The following MYO3A variants were observed in gnomAD, a reference collection of about 807,000 sequenced individuals.
The protein encoded by MYO3A is myosin-IIIa.
MYO3A carries 180 observed loss-of-function variants against 192.7 expected under a neutral mutation model. That is an observed-to-expected ratio of 0.93 (90% CI 0.83 to 1.06). MYO3A has a LOEUF of 1.06. Among genes scored for constraint, MYO3A ranks in the 50% least tolerant of loss-of-function variants. MYO3A has a pLI of 0.00. For synonymous variants in MYO3A, 628 were observed against 645.3 expected, an observed-to-expected ratio of 0.97 and a Z score of 0.41; for missense variants, 1,896 against 1,905.0, an observed-to-expected ratio of 1.00 and a Z score of 0.09.
chr10:26,019,243 A>T (rs1219280433), intron 7 of MYO3A, among the ~76,000 whole-genome samples: 2 of 141,674 alleles, frequency 1.4e-5, no homozygotes, highest in African/African-American at 2.5e-5. Flanking sequence ...TTATTTATTT[A>T]TTTATTTATT....
chr10:26,019,155 T>A (rs1934449), intron 7 of MYO3A, among the ~76,000 whole-genome samples: 5 of 151,706 alleles, frequency 3.3e-5, no homozygotes, highest in African/African-American at 1.2e-4. Flanking sequence ...GCCTAAACTC[T>A]CCTACTCTAA....
intron 27 of MYO3A, among the ~76,000 whole-genome samples, chr10:26,168,407 A>T (rs1212535573): frequency 6.6e-6 from 1 of 152,212 alleles, no homozygotes; most frequent in Admixed American, 6.5e-5. Flanking sequence ...CCCAGAATAT[A>T]CGATGCTAGA....
At chr10:26,129,190 C>T (rs558317247) in intron 20 of MYO3A, among the ~76,000 whole-genome samples, 13 of 152,184 alleles carry the variant, frequency 8.5e-5, no homozygotes, top group Admixed American at 7.9e-4. Flanking sequence ...TATTGTTTTG[C>T]ATTTAAATTA....
intron 19 of MYO3A, among the ~76,000 whole-genome samples, chr10:26,127,912 C>T (rs1445120883): frequency 6.6e-6 from 1 of 151,898 alleles, no homozygotes; most frequent in Non-Finnish European, 1.5e-5. Flanking sequence ...GATCCAAAAA[C>T]AAATAACAAT....
intron 10 of MYO3A, among the ~76,000 whole-genome samples, chr10:26,065,934 G>A (rs570344922): frequency 1.8e-5 from 1 of 56,138 alleles, no homozygotes; most frequent in East Asian, 3.2e-4. Flanking sequence ...TGGCTAACAC[G>A]GTGAAACCCC....
chr10:26,128,260 A>G (rs1038192297), intron 19 of MYO3A, 131 bp from the exon 20 acceptor site: 45 of 891,976 alleles, frequency 5.0e-5, no homozygotes, highest in Non-Finnish European at 7.3e-5. Flanking sequence ...TTCAGTTAAG[A>G]AAGTTTCACT....
In MYO3A at chr10:26,128,547, A is replaced by G; in HGVS notation, c.2262+9A>G. 1.2e-6 allele frequency: 2 copies of G among 1,602,472 alleles called. No homozygotes were observed. The highest frequency in any genetic ancestry group is 1.7e-6 in the Non-Finnish European group (2 of 1,171,308). ...TGTTTGCATGGGAACAGGTAAGTCTAAGTACTTACTATAAATATGCATGCA... is the reference window on the plus strand; with the variant it reads ...TGTTTGCATGGGAACAGGTAAGTCTGAGTACTTACTATAAATATGCATGCA... On this transcript the variant is annotated intron_variant, in intron 20 of 34. Coordinates refer to ENST00000642920, the MANE Select transcript of MYO3A (RefSeq NM_017433.5).
chr10:26,020,054 A>G (rs1385166055), intron 7 of MYO3A, among the ~76,000 whole-genome samples: 1 of 152,232 alleles, frequency 6.6e-6, no homozygotes, highest in Non-Finnish European at 1.5e-5. Context: ...TTATATATAG[A>G]CATATATATA....
intron 10 of MYO3A, among the ~76,000 whole-genome samples, chr10:26,056,652 T>A (rs556051108): frequency 6.7e-6 from 1 of 149,702 alleles, no homozygotes; most frequent in Admixed American, 6.7e-5. Context: ...GCATTATTAC[T>A]GAGAAATACA....
intron 17 of MYO3A, among the ~76,000 whole-genome samples, chr10:26,113,123 T>G (rs1447166336): frequency 6.6e-6 from 1 of 152,194 alleles, no homozygotes; most frequent in East Asian, 1.9e-4. Context: ...ATTAAATATT[T>G]TAAAGCATCA....
intron 10 of MYO3A, among the ~76,000 whole-genome samples, chr10:26,058,012 C>T (rs1834219374): frequency 6.6e-6 from 1 of 152,162 alleles, no homozygotes; most frequent in Admixed American, 6.5e-5. Context: ...CCACAGTTTA[C>T]ATTAAGATTC....
Position 26,157,317 on chromosome 10 carries a change from TG to T in MYO3A, c.2802del (p.Met935TrpfsTer52). Reference protein sequence around the residue: ...QTVASYFRYSLMDLLSKMVVG... With the variant: ...QTVASYFRYSXMDLLSKMVVG... ...TTTTGTTGTGTATTATAGTATTCCC[TG>T]ATGGATTTGTTGTCTAAAATGGTGG... is the stretch of plus-strand genomic sequence containing the variant. On this transcript the variant is annotated frameshift_variant, in exon 26 of 35. Transcript: ENST00000642920. LOFTEE classifies it high-confidence loss of function. The T allele has an allele frequency of 6.2e-7, 1 of 1,614,038 alleles. No homozygotes were observed. The highest frequency in any genetic ancestry group is 1.1e-5 in the South Asian group (1 of 91,084).
chr10:26,187,038 A>G (rs1403760968), intron 31 of MYO3A, among the ~76,000 whole-genome samples: 1 of 152,168 alleles, frequency 6.6e-6, no homozygotes, highest in Non-Finnish European at 1.5e-5. Context: ...TTATTTTTAT[A>G]TGTGATGACA....
intron 14 of MYO3A, among the ~76,000 whole-genome samples, chr10:26,085,842 C>G (rs1043757712): frequency 6.6e-6 from 1 of 152,180 alleles, no homozygotes; most frequent in Non-Finnish European, 1.5e-5. Flanking sequence ...AGGGAGCTGT[C>G]CTTCCTTCCT....
chr10:26,115,590 T>G (rs1269305216), intron 17 of MYO3A, among the ~76,000 whole-genome samples: 1 of 152,242 alleles, frequency 6.6e-6, no homozygotes, highest in Non-Finnish European at 1.5e-5. Flanking sequence ...GAAAAAAATC[T>G]TAGTCAGTTT....
At chr10:26,180,567 T>G (rs139749747) in intron 31 of MYO3A, among the ~76,000 whole-genome samples, 472 of 152,144 alleles carry the variant, frequency 3.1e-3, no homozygotes, top group South Asian at 7.9e-3. Context: ...AGGGAACAGA[T>G]GGGATTGTAG....
intron 4 of MYO3A, among the ~76,000 whole-genome samples, chr10:25,973,033 T>A (rs1838755456): frequency 6.6e-6 from 1 of 152,226 alleles, no homozygotes; most frequent in Non-Finnish European, 1.5e-5. Flanking sequence ...TCAATGGTAG[T>A]TTAATGGGAA....
rs567744287 is a variant in MYO3A at position 26,026,952 on chromosome 10, G to A, written c.953+420G>A. On this transcript the variant is annotated intron_variant, in intron 10 of 34. Coordinates refer to ENST00000642920, the MANE Select transcript of MYO3A (RefSeq NM_017433.5). ...CCTGACCTTGTGATCCGCCCACCTC[G>A]GCTTCCCAAAGTGCTGGCATTACAG... Among the ~76,000 whole-genome samples the A allele has an allele frequency of 3.9e-5, 6 of 152,214 alleles. No homozygotes were observed. In the South Asian group the frequency reaches 1.0e-3, roughly 26 times the overall value.
At chr10:26,198,924 A>G (rs1454489004) in intron 32 of MYO3A, among the ~76,000 whole-genome samples, 1 of 152,250 alleles carries the variant, frequency 6.6e-6, no homozygotes, top group African/African-American at 2.4e-5. Context: ...TTTCAAAACT[A>G]TAATTGAAAA....
Sources: allele counts gnomAD v4.1 joint callset (sites outside exome capture counted in the v4.1 genomes callset), GRCh38; gene constraint gnomAD v4.1.1; transcripts MANE v1.5; gene names NCBI Gene and HGNC (gene_info 2026-07-23, HGNC 2026-07-21).